PKNOX1: variants seen among roughly 807,000 people sequenced by gnomAD.
PKNOX1 encodes homeobox protein PKNOX1.
Under a neutral mutation model 51.9 loss-of-function variants are expected in PKNOX1, and 15 were observed. The observed-to-expected ratio is 0.29, with a 90% confidence interval of 0.19 to 0.45. The LOEUF is 0.45. Ranked by LOEUF, PKNOX1 falls within the 20% of genes least tolerant of loss-of-function variation. The pLI, the probability that PKNOX1 is intolerant of heterozygous loss-of-function variation, is 1.00. For synonymous variants in PKNOX1, 219 were observed against 211.1 expected, an observed-to-expected ratio of 1.04 and a Z score of -0.32; for missense variants, 462 against 547.5, an observed-to-expected ratio of 0.84 and a Z score of 1.56.
rs1979530704 is a variant in PKNOX1, at chr21:43,017,107, A to G, written c.622+100A>G. On this transcript the variant is annotated intron_variant, in intron 6 of 10. Transcript: ENST00000291547. ...ATAAATATAATTTCAAGTTCATGCC[A>G]TTTTCTAATATAGCAATGTTAGAAG... 27 of 717,374 alleles carry G rather than the reference A, an allele frequency of 3.8e-5. No homozygotes were observed. In the South Asian group the frequency reaches 4.5e-4, roughly 12 times the overall value. The allele number at this position is 717,374 out of a possible 1,614,324, so 44.4% of individuals were successfully genotyped here. A position where few individuals can be genotyped will look rare whatever the true frequency, so the allele number is the denominator to read the frequency against.
At chr21:42,997,870 G>C (rs1338829872) in intron 1 of PKNOX1, among the ~76,000 whole-genome samples, 3 of 152,172 alleles carry the variant, frequency 2.0e-5, no homozygotes, top group African/African-American at 7.2e-5. Context: ...GCTAAATGTG[G>C]CGATTGGTTT....
At chr21:43,007,159 G>A (rs1479674802) in intron 2 of PKNOX1, among the ~76,000 whole-genome samples, 1 of 152,204 alleles carries the variant, frequency 6.6e-6, no homozygotes, top group East Asian at 1.9e-4. Context: ...TTCTCTGACT[G>A]TAGTATTGCT....
At chr21:42,988,489 T>C (rs2059068008) in intron 1 of PKNOX1, among the ~76,000 whole-genome samples, 1 of 152,150 alleles carries the variant, frequency 6.6e-6, no homozygotes, top group Admixed American at 6.5e-5. Context: ...CTTGCTGTGA[T>C]TGGTATACAG....
chr21:42,991,813 A>G (rs2059089270), intron 1 of PKNOX1, among the ~76,000 whole-genome samples: 1 of 152,194 alleles, frequency 6.6e-6, no homozygotes. Context: ...AATAACTAAA[A>G]AGAAACCCTG....
chr21:42,994,065 G>A (rs1978373342), intron 1 of PKNOX1, among the ~76,000 whole-genome samples: 2 of 144,508 alleles, frequency 1.4e-5, no homozygotes. Context: ...AGGCAAGGCG[G>A]GGTCTCCCTT....
chr21:43,002,659 C>A (rs1021431093), intron 1 of PKNOX1, among the ~76,000 whole-genome samples: 1 of 152,154 alleles, frequency 6.6e-6, no homozygotes, highest in Admixed American at 6.5e-5. Context: ...GCTCAAGAGG[C>A]GACCTGGCTG....
intron 1 of PKNOX1, among the ~76,000 whole-genome samples, chr21:42,997,277 C>A (rs1228571084): frequency 6.6e-6 from 1 of 152,224 alleles, no homozygotes; most frequent in Non-Finnish European, 1.5e-5. Context: ...CTCCACAGGA[C>A]TAGTGCTATG....
intron 1 of PKNOX1, among the ~76,000 whole-genome samples, chr21:42,982,900 C>G (rs2059034035): frequency 6.6e-6 from 1 of 151,956 alleles, no homozygotes; most frequent in African/African-American, 2.4e-5. Context: ...ACCTCTGCCT[C>G]CCGGGTTCAG....
chr21:43,005,672 G>C (rs1163756465), intron 2 of PKNOX1, among the ~76,000 whole-genome samples: 1 of 151,960 alleles, frequency 6.6e-6, no homozygotes, highest in East Asian at 1.9e-4. Context: ...CTGGACCCCA[G>C]GACGCCCCCA....
intron 8 of PKNOX1, chr21:43,024,402 A>C (rs1339243818): frequency 1.3e-5 from 2 of 152,798 alleles, no homozygotes; most frequent in African/African-American, 4.8e-5. Context: ...GAATTATTAT[A>C]GAATGGACCA....
intron 1 of PKNOX1, among the ~76,000 whole-genome samples, chr21:42,989,319 C>T (rs1269494554): frequency 6.6e-6 from 1 of 151,904 alleles, no homozygotes; most frequent in Non-Finnish European, 1.5e-5. Flanking sequence ...CCATTTTTTT[C>T]AGCTTTTGTG....
chr21:43,002,659 C>T (rs1021431093), intron 1 of PKNOX1, among the ~76,000 whole-genome samples: 2 of 152,154 alleles, frequency 1.3e-5, no homozygotes, highest in African/African-American at 2.4e-5. Flanking sequence ...GCTCAAGAGG[C>T]GACCTGGCTG....
chr21:43,009,433 G>A (rs565304454), intron 3 of PKNOX1, among the ~76,000 whole-genome samples: 55 of 151,060 alleles, frequency 3.6e-4, no homozygotes, highest in African/African-American at 1.2e-3. Context: ...CAACAAGAGC[G>A]AAACTCCATC....
At chr21:42,989,858 G>A (rs2059076695) in intron 1 of PKNOX1, among the ~76,000 whole-genome samples, 1 of 152,188 alleles carries the variant, frequency 6.6e-6, no homozygotes, top group Non-Finnish European at 1.5e-5. Context: ...CATCACTTTA[G>A]AAGGCCAAGG....
chr21:42,992,774 CCTCACAGCACTGGGGGGTTCT>C lies in PKNOX1; in HGVS notation c.-56-11534_-56-11514del, dbSNP rs1418959563. Among the ~76,000 whole-genome samples the C allele has an allele frequency of 7.0e-5, 10 of 143,554 alleles. No individual in the cohort carries two copies. The East Asian group carries it at 1.2e-3, about 18-fold the overall frequency. 94.2% of individuals were successfully genotyped at this position (143,554 alleles called of 152,430 possible). On this transcript the variant is annotated intron_variant, in intron 1 of 10. Transcript: ENST00000291547. ...GGTTCCCTCATAGCATTGGGGGCTT[CCTCACAGCACTGGGGGGTTCT>C]CTCACAGCACTGGGGGGCTTCCTCA... is the stretch of plus-strand genomic sequence containing the variant.
intron 9 of PKNOX1, among the ~76,000 whole-genome samples, chr21:43,026,864 G>A (rs979618412): frequency 3.9e-5 from 6 of 152,124 alleles, no homozygotes; most frequent in Middle Eastern, 3.2e-3. Context: ...GGATCACCAG[G>A]TTCCTCTAAA....
chr21:42,976,874 A>AT (rs2059000078), intron 1 of PKNOX1, among the ~76,000 whole-genome samples: 1 of 152,204 alleles, frequency 6.6e-6, no homozygotes, highest in East Asian at 1.9e-4. Flanking sequence ...CTTTGCCCAG[A>AT]TTCATGCGAG....
At chr21:43,022,358 AGCCATCTC>A (rs573692386) in intron 8 of PKNOX1, among the ~76,000 whole-genome samples, 149 of 152,336 alleles carry the variant, frequency 9.8e-4, no homozygotes, top group Admixed American at 2.0e-3. Context: ...CTGAGCCCGT[AGCCATCTC>A]GCCATTTCGC....
chr21:43,031,481 AG>A lies in PKNOX1; in HGVS notation c.*1381del. 6.6e-6 allele frequency: 1 copy of A among 152,376 alleles called. No individual in the cohort carries two copies. The highest frequency in any genetic ancestry group is 2.4e-5 in the African/African-American group (1 of 41,584). 9.4% of individuals were successfully genotyped at this position (152,376 alleles called of 1,614,324 possible). ...GTAGGACTTCTGTTTCCTGGTAACA[AG>A]ATGAACCGAGAGAGTGGGCTGGGTT... On this transcript the variant is annotated 3_prime_UTR_variant, in exon 11 of 11. Transcript: ENST00000291547.
Sources: gnomAD v4.1 joint callset for allele counts (sites outside exome capture counted in the v4.1 genomes callset) on GRCh38, gnomAD v4.1.1 for gene constraint, MANE v1.5 for transcripts, NCBI Gene and HGNC (gene_info 2026-07-23, HGNC 2026-07-21) for gene names.